Variants in MYH16 observed in about 807,000 individuals in gnomAD.
The protein encoded by MYH16 is myosin heavy chain 16.
intron 13 of MYH16, among the ~76,000 whole-genome samples, chr7:99,262,803 C>A (rs561307988): frequency 3.3e-5 from 5 of 152,180 alleles, no homozygotes; most frequent in Non-Finnish European, 7.3e-5. Context: ...CAGCCAATGA[C>A]CCTACAGTGA....
At chr7:99,269,887 T>C (rs1032730102) in intron 18 of MYH16, among the ~76,000 whole-genome samples, 68 of 136,004 alleles carry the variant, frequency 5.0e-4, no homozygotes, top group Non-Finnish European at 7.4e-4. Flanking sequence ...TTTTTTTTTT[T>C]TTTTGAGACG....
intron 30 of MYH16, among the ~76,000 whole-genome samples, chr7:99,290,236 C>T (rs918962043): frequency 6.6e-6 from 1 of 152,150 alleles, no homozygotes; most frequent in Non-Finnish European, 1.5e-5. Context: ...GTAATTCCAG[C>T]ACTTTGGGAG....
At chr7:99,307,098 C>T (rs1297364606), downstream of MYH16, among the ~76,000 whole-genome samples, 2 of 152,172 alleles carry the variant, frequency 1.3e-5, no homozygotes, top group African/African-American at 4.8e-5. Flanking sequence ...CTGATGTTCC[C>T]CCATCTGCAC....
intron 20 of MYH16, among the ~76,000 whole-genome samples, chr7:99,277,019 T>G (rs1792122449): frequency 1.4e-5 from 2 of 141,022 alleles, no homozygotes; most frequent in African/African-American, 2.6e-5. Context: ...GAGGCAGAGA[T>G]AGGAATGGCA....
In MYH16 at chr7:99,263,001, G is replaced by A. The variant is rs112858259; in HGVS notation, n.1756-333G>A. Among the ~76,000 whole-genome samples the A allele has an allele frequency of 6.4e-3, 976 of 152,352 alleles. 17 individuals are homozygous for A. Among genetic ancestry groups the A allele is most frequent in the African/African-American group, 0.023 (939 of 41,582 alleles). On this transcript the variant is annotated intron_variant and non_coding_transcript_variant, in intron 13 of 41. Coordinates refer to ENST00000439784, the Ensembl canonical transcript of MYH16. ...AGGGAGGGTCAGCGTGGCCAGCAGAGTAAGCTGTGCAAGAGAAGGTCACAC... is the reference window on the plus strand; with the variant it reads ...AGGGAGGGTCAGCGTGGCCAGCAGAATAAGCTGTGCAAGAGAAGGTCACAC...
chr7:99,251,374 T>C (rs1791807296), intron 6 of MYH16, among the ~76,000 whole-genome samples: 1 of 152,108 alleles, frequency 6.6e-6, no homozygotes, highest in African/African-American at 2.4e-5. Context: ...AAAAACTAAT[T>C]CAAAAGACAA....
chr7:99,260,107 G>C, intron 11 of MYH16: 1 of 1,465,292 alleles, frequency 6.8e-7, no homozygotes, highest in Non-Finnish European at 9.4e-7. Context: ...TTCAATCCTG[G>C]GAGAGGCTCT....
rs17161640 is a variant in MYH16 at position 99,265,396 on chromosome 7, T to C, written n.2028-174T>C. ...TGCCCAGCCAGGCAGAAATCAAACT[T>C]GGGAGCTTTTGGGCATTGGCCAAAT... On this transcript the variant is annotated intron_variant and non_coding_transcript_variant, in intron 16 of 41. Coordinates refer to ENST00000439784, the Ensembl canonical transcript of MYH16. Among the ~76,000 whole-genome samples the C allele has an allele frequency of 0.014, 2,107 of 152,186 alleles. 112 individuals are homozygous for C. In the South Asian group the frequency reaches 0.18, roughly 13 times the overall value.
exon 33 of MYH16, chr7:99,294,055 G>A: frequency 2.2e-6 from 1 of 455,912 alleles, no homozygotes; most frequent in Non-Finnish European, 4.4e-6. Flanking sequence ...GGCAGAAGAA[G>A]CAGCTGAAAC....
intron 30 of MYH16, among the ~76,000 whole-genome samples, chr7:99,290,368 T>G (rs906599677): frequency 1.3e-5 from 2 of 150,512 alleles, no homozygotes; most frequent in African/African-American, 4.9e-5. Context: ...ACACTGGTGG[T>G]CCCAGCTACT....
chr7:99,279,127 G>C (rs1485531467), intron 21 of MYH16, among the ~76,000 whole-genome samples: 1 of 152,070 alleles, frequency 6.6e-6, no homozygotes, highest in East Asian at 1.9e-4. Context: ...GAAGGTCGAG[G>C]CTGCAGTGAG....
intron 17 of MYH16, among the ~76,000 whole-genome samples, chr7:99,266,066 T>C (rs1222057001): frequency 2.0e-5 from 3 of 152,196 alleles, no homozygotes; most frequent in African/African-American, 7.2e-5. Context: ...TGAGACATTT[T>C]CCAGACATGC....
chr7:99,283,057 C>T (rs1342304032), intron 23 of MYH16, among the ~76,000 whole-genome samples: 1 of 152,160 alleles, frequency 6.6e-6, no homozygotes. Context: ...TCAGAGGAAC[C>T]TCCAATCACT....
chr7:99,310,224 G>A (rs1280578132), downstream of MYH16, among the ~76,000 whole-genome samples: 1 of 152,186 alleles, frequency 6.6e-6, no homozygotes, highest in Non-Finnish European at 1.5e-5. Flanking sequence ...GAGTAGATGG[G>A]CTCAGAGAGC....
intron 37 of MYH16, 156 bp downstream of exon 18, chr7:99,299,814 G>A (rs1483512056): frequency 6.6e-6 from 1 of 151,994 alleles, no homozygotes; most frequent in Non-Finnish European, 1.5e-5. Flanking sequence ...AGGAGGCTTG[G>A]GGACTATATA....
intron 4 of MYH16, among the ~76,000 whole-genome samples, chr7:99,249,744 CG>C (rs1317123273): frequency 6.6e-6 from 1 of 151,526 alleles, no homozygotes; most frequent in African/African-American, 2.4e-5. Context: ...TTAATAGAGA[CG>C]GGGGCTTCAC....
At position 99,278,524 on chromosome 7, in the gene MYH16, G is replaced by A. The variant is rs531133329; in HGVS notation, n.2659+812G>A. On this transcript the variant is annotated intron_variant and non_coding_transcript_variant, in intron 21 of 41. Transcript: ENST00000439784. ...TGAATTCACTGCTGGGGTCCTTCTG[G>A]TTTGCAAAGCTTTTCCTATTCCTTC... Among the ~76,000 whole-genome samples the A allele has an allele frequency of 4.6e-5, 7 of 152,294 alleles. No individual in the cohort carries two copies. In the South Asian group the frequency reaches 1.4e-3, roughly 32 times the overall value.
In MYH16 at chr7:99,266,603, T is replaced by C. The variant is rs10231045; in HGVS notation, n.2146-251T>C. Among the ~76,000 whole-genome samples the C allele has an allele frequency of 6.3e-3, 959 of 152,264 alleles. 11 individuals are homozygous for C. Among genetic ancestry groups the C allele is most frequent in the African/African-American group, 0.022 (898 of 41,544 alleles). Reference sequence around the variant, plus strand: ...CTCCAAGCTCTATCAGGAAGGGATTTTGGTGTCTTCATTTCTAGAAACAGC... The same window carrying C: ...CTCCAAGCTCTATCAGGAAGGGATTCTGGTGTCTTCATTTCTAGAAACAGC... On this transcript the variant is annotated intron_variant and non_coding_transcript_variant, in intron 17 of 41. Coordinates refer to ENST00000439784, the Ensembl canonical transcript of MYH16.
chr7:99,251,106 G>T (rs980180648), exon 6 of MYH16: 16 of 216,814 alleles, frequency 7.4e-5, no homozygotes, highest in Admixed American at 6.9e-4. Context: ...GTCTCTGGAG[G>T]ATCAAGTCAT....
Sources: gnomAD v4.1 joint callset for allele counts (sites outside exome capture counted in the v4.1 genomes callset) on GRCh38, gnomAD v4.1.1 for gene constraint, MANE v1.5 for transcripts, NCBI Gene and HGNC (gene_info 2026-07-23, HGNC 2026-07-21) for gene names.